The following MED12L variants were observed in gnomAD, a reference collection of about 807,000 sequenced individuals.
MED12L encodes mediator of RNA polymerase II transcription subunit 12-like protein.
A neutral mutation model predicts 281.3 loss-of-function variants in MED12L; 60 were observed. That is an observed-to-expected ratio of 0.21 (90% CI 0.17 to 0.26). The LOEUF (loss-of-function observed/expected upper bound fraction) is 0.26. Ranked by LOEUF, MED12L falls within the 10% of genes least tolerant of loss-of-function variation. The pLI is 1.00. For missense variants in MED12L, 2,146 were observed against 2,680.9 expected (o/e 0.80, Z 4.41); for synonymous variants, 974 against 987.2 (o/e 0.99, Z 0.25).
chr3:151,126,070 A>G (rs1003150540), intron 4 of MED12L, among the ~76,000 whole-genome samples: 4 of 141,920 alleles, frequency 2.8e-5, no homozygotes, highest in Non-Finnish European at 6.0e-5. Context: ...TTTTTTTGAG[A>G]CATGATCTTG....
intron 20 of MED12L, among the ~76,000 whole-genome samples, chr3:151,358,827 A>T (rs963630208): frequency 2.5e-4 from 38 of 152,314 alleles, no homozygotes; most frequent in South Asian, 6.2e-4. Context: ...GAAGTTGAGG[A>T]AACACTGACT....
intron 16 of MED12L, among the ~76,000 whole-genome samples, chr3:151,195,873 T>A (rs981847943): frequency 6.6e-6 from 1 of 152,204 alleles, no homozygotes; most frequent in Non-Finnish European, 1.5e-5. Flanking sequence ...AAATCGGAAA[T>A]TACTCTAATA....
Position 151,229,434 on chromosome 3 carries a change from G to A in MED12L, c.2250+35768G>A, listed in dbSNP as rs375724128. Among the ~76,000 whole-genome samples the A allele has an allele frequency of 5.3e-4, 78 of 147,988 alleles. 1 individual carries two copies. The East Asian group carries it at 0.011, about 20-fold the overall frequency. On this transcript the variant is annotated intron_variant, in intron 16 of 44. Coordinates refer to ENST00000687756, the MANE Select transcript of MED12L (RefSeq NM_001393769.1). ...CGATTCTCCTGCGTCAGCCTCCCGA[G>A]TAGCTGGGACTACAGGCTCGTGCCA...
intron 16 of MED12L, among the ~76,000 whole-genome samples, chr3:151,310,317 A>T (rs1747331751): frequency 6.6e-6 from 1 of 152,224 alleles, no homozygotes; most frequent in Non-Finnish European, 1.5e-5. Context: ...CAGCAGTAAG[A>T]TGAAAATATT....
chr3:151,320,856 C>T (rs1748913402), intron 16 of MED12L, among the ~76,000 whole-genome samples: 1 of 152,216 alleles, frequency 6.6e-6, no homozygotes, highest in Non-Finnish European at 1.5e-5. Context: ...CAATTTGGAA[C>T]ATCTCCACTT....
Position 151,416,323 on chromosome 3 carries a change from CCAGCAGCCCCAGCCCCAG to C in MED12L, c.6314_6331del (p.Gln2105_Gln2110del). 1.2e-6 allele frequency: 2 copies of C among 1,611,606 alleles called. No individual in the cohort carries two copies. Among genetic ancestry groups the C allele is most frequent in the Non-Finnish European group, 1.7e-6 (2 of 1,178,832 alleles). On this transcript the variant is annotated inframe_deletion, in exon 43 of 45. Transcript: ENST00000687756. ...TACCCTCTTTCCAGATGCAGCAGCC[CCAGCAGCCCCAGCCCCAG>C]CAGCCTCCCCAGCCCCAGCAGTCCT...
chr3:151,159,009 A>G (rs1285385089), intron 7 of MED12L, among the ~76,000 whole-genome samples: 1 of 152,240 alleles, frequency 6.6e-6, no homozygotes, highest in Admixed American at 6.5e-5. Context: ...GTTTTTATCC[A>G]TGTGTCCTAA....
At chr3:151,158,863 A>C in intron 7 of MED12L, 64 bp downstream of exon 7, 1 of 1,078,236 alleles carries the variant, frequency 9.3e-7, no homozygotes, top group South Asian at 1.4e-5. Context: ...GATAAGAATG[A>C]TTAGGTAAGT....
At chr3:151,129,793 TG>T (rs916309797) in intron 5 of MED12L, among the ~76,000 whole-genome samples, 1 of 151,384 alleles carries the variant, frequency 6.6e-6, no homozygotes, top group African/African-American at 2.4e-5. Context: ...TTTTTAGAGG[TG>T]GGGGGTCTCA....
intron 16 of MED12L, among the ~76,000 whole-genome samples, chr3:151,195,615 C>T (rs1724545984): frequency 6.6e-6 from 1 of 152,044 alleles, no homozygotes; most frequent in Non-Finnish European, 1.5e-5. Context: ...AAAGAGTAGC[C>T]TTATATTTTA....
chr3:151,264,549 T>C (rs1739479970), intron 16 of MED12L, among the ~76,000 whole-genome samples: 1 of 152,222 alleles, frequency 6.6e-6, no homozygotes, highest in Non-Finnish European at 1.5e-5. Context: ...TGGAGAGTTT[T>C]CTCATTTATA....
At chr3:151,350,293 T>C (rs557688865) in intron 17 of MED12L, 87 bp downstream of exon 17, 7 of 1,327,908 alleles carry the variant, frequency 5.3e-6, no homozygotes, top group Non-Finnish European at 7.3e-6. Flanking sequence ...TCTATGTCAC[T>C]GTCAACAGAG....
intron 16 of MED12L, among the ~76,000 whole-genome samples, chr3:151,348,340 CAAAAAAAAAAAAA>C (rs11382065): frequency 2.3e-5 from 2 of 87,806 alleles, no homozygotes; most frequent in Non-Finnish European, 4.3e-5. Flanking sequence ...ACCACCAGAC[CAAAAAAAAAAAAA>C]AAAAAAAAAA....
chr3:151,299,486 C>CT (rs903199341), intron 16 of MED12L, among the ~76,000 whole-genome samples: 4 of 139,020 alleles, frequency 2.9e-5, no homozygotes, highest in Non-Finnish European at 6.2e-5. Context: ...TCCTTTCTTC[C>CT]TTTTTTTTCT....
intron 2 of MED12L, among the ~76,000 whole-genome samples, chr3:151,103,517 C>T (rs575050593): frequency 9.8e-5 from 15 of 152,294 alleles, no homozygotes; most frequent in South Asian, 2.1e-4. Flanking sequence ...ACACTTCATT[C>T]ATGGTGGACA....
At chr3:151,160,858 G>A (rs1442781153) in intron 8 of MED12L, among the ~76,000 whole-genome samples, 4 of 152,184 alleles carry the variant, frequency 2.6e-5, no homozygotes, top group South Asian at 2.1e-4. Flanking sequence ...TAAAACTCAC[G>A]GAGGCTTTGT....
intron 16 of MED12L, among the ~76,000 whole-genome samples, chr3:151,287,863 C>G (rs1328866562): frequency 6.6e-6 from 1 of 152,162 alleles, no homozygotes; most frequent in Non-Finnish European, 1.5e-5. Flanking sequence ...TACAAAACTT[C>G]AAAGCAGTCA....
At chr3:151,135,757 C>T (rs1441108820) in intron 5 of MED12L, among the ~76,000 whole-genome samples, 1 of 152,154 alleles carries the variant, frequency 6.6e-6, no homozygotes, top group African/African-American at 2.4e-5. Context: ...ACTGGTGGCT[C>T]TGAGCAGCAT....
chr3:151,268,784 C>T (rs1740314468), intron 16 of MED12L, among the ~76,000 whole-genome samples: 2 of 152,144 alleles, frequency 1.3e-5, no homozygotes, highest in African/African-American at 4.8e-5. Flanking sequence ...ATGGAGGAAT[C>T]AAGGAAGCAA....
Sources: gnomAD v4.1 joint callset for allele counts (sites outside exome capture counted in the v4.1 genomes callset) on GRCh38, gnomAD v4.1.1 for gene constraint, MANE v1.5 for transcripts, NCBI Gene and HGNC (gene_info 2026-07-23, HGNC 2026-07-21) for gene names.